TTC29: variants seen among roughly 807,000 people sequenced by gnomAD.
The protein encoded by TTC29 is tetratricopeptide repeat protein 29.
TTC29 carries 49 observed loss-of-function variants against 58.1 expected under a neutral mutation model. The ratio of observed to expected loss-of-function variants is 0.84; its 90% CI spans 0.67 to 1.07. The LOEUF is 1.07. TTC29 is among the 50% of genes least tolerant of loss of function. The pLI is 0.00. For missense variants in TTC29, 582 were observed against 555.6 expected (o/e 1.05, Z -0.48); for synonymous variants, 209 against 196.8 (o/e 1.06, Z -0.52).
At chr4:146,799,979 C>T (rs1264841219) in intron 11 of TTC29, among the ~76,000 whole-genome samples, 2 of 152,166 alleles carry the variant, frequency 1.3e-5, no homozygotes. Context: ...CTGGAGAAAT[C>T]AGCAGAAATT....
intron 11 of TTC29, among the ~76,000 whole-genome samples, chr4:146,728,860 C>CACATATATATGT (rs1561066862): frequency 3.2e-5 from 2 of 62,026 alleles, no homozygotes; most frequent in Admixed American, 2.1e-4. Flanking sequence ...TATATATACA[C>CACATATATATGT]ATATATATGT....
chr4:146,934,084 G>A (rs1380554924), intron 4 of TTC29: 1 of 152,388 alleles, frequency 6.6e-6, no homozygotes. Flanking sequence ...TTCAGGTCAG[G>A]TGAAGAATGG....
chr4:146,899,532 G>C (rs2150263955), intron 6 of TTC29, among the ~76,000 whole-genome samples: 1 of 152,306 alleles, frequency 6.6e-6, no homozygotes, highest in South Asian at 2.1e-4. Flanking sequence ...AAAGATATTT[G>C]ACCTGAAGAA....
At chr4:146,793,059 T>G (rs1749583858) in intron 11 of TTC29, among the ~76,000 whole-genome samples, 1 of 152,148 alleles carries the variant, frequency 6.6e-6, no homozygotes, top group Non-Finnish European at 1.5e-5. Flanking sequence ...GATAAGCAAA[T>G]AAAGTGGTTT....
chr4:146,916,166 T>C (rs182933534), intron 4 of TTC29, among the ~76,000 whole-genome samples: 5 of 151,912 alleles, frequency 3.3e-5, no homozygotes, highest in South Asian at 4.1e-4. Flanking sequence ...TCGGTGTAGA[T>C]AGATATTATG....
intron 4 of TTC29, among the ~76,000 whole-genome samples, chr4:146,923,449 G>A (rs551321153): frequency 2.0e-5 from 3 of 151,600 alleles, no homozygotes; most frequent in African/African-American, 7.2e-5. Flanking sequence ...AATCTAGTAG[G>A]TGCTAGAAAA....
chr4:146,749,447 T>C (rs1387961817), intron 11 of TTC29, among the ~76,000 whole-genome samples: 4 of 152,102 alleles, frequency 2.6e-5, no homozygotes, highest in African/African-American at 4.8e-5. Flanking sequence ...AAGTTGAAGA[T>C]AGGTCTTCTG....
At chr4:146,780,482 G>A (rs982192112) in intron 11 of TTC29, among the ~76,000 whole-genome samples, 1 of 151,938 alleles carries the variant, frequency 6.6e-6, no homozygotes, top group African/African-American at 2.4e-5. Flanking sequence ...CAATTTCCAA[G>A]TCTCTTCCAG....
chr4:146,806,760 GA>G (rs1219045572), intron 10 of TTC29, among the ~76,000 whole-genome samples: 1 of 152,086 alleles, frequency 6.6e-6, no homozygotes, highest in East Asian at 1.9e-4. Context: ...GACCTACAAA[GA>G]GACTTAGACT....
At chr4:146,808,018 T>C (rs1453511594) in intron 10 of TTC29, among the ~76,000 whole-genome samples, 1 of 152,002 alleles carries the variant, frequency 6.6e-6, no homozygotes, top group African/African-American at 2.4e-5. Flanking sequence ...AAATCCAGCA[T>C]CACATTAAAA....
intron 8 of TTC29, among the ~76,000 whole-genome samples, chr4:146,843,991 C>T (rs184485517): frequency 1.3e-5 from 2 of 152,234 alleles, no homozygotes; most frequent in Admixed American, 1.3e-4. Context: ...TATTAAACAG[C>T]AGTTAAATGT....
At chr4:146,764,894 AAG>A (rs34320147) in intron 11 of TTC29, among the ~76,000 whole-genome samples, 10,509 of 152,172 alleles carry the variant, frequency 0.069, 452 homozygotes, top group Admixed American at 0.13. Context: ...AGCAACTGCG[AAG>A]AGAGTTTGTC....
intron 6 of TTC29, among the ~76,000 whole-genome samples, chr4:146,875,764 C>T (rs1195096697): frequency 1.3e-5 from 2 of 152,142 alleles, no homozygotes; most frequent in African/African-American, 4.8e-5. Flanking sequence ...AACTAACTGC[C>T]TTTTTGGATT....
chr4:146,726,558 TTTTC>T (rs1336832514), intron 11 of TTC29, among the ~76,000 whole-genome samples: 1 of 152,208 alleles, frequency 6.6e-6, no homozygotes, highest in Non-Finnish European at 1.5e-5. Flanking sequence ...AAAAGTACTC[TTTTC>T]TTTTTGACAC....
intron 7 of TTC29, among the ~76,000 whole-genome samples, chr4:146,869,880 G>T (rs562130675): frequency 7.2e-5 from 11 of 151,944 alleles, no homozygotes; most frequent in Admixed American, 5.9e-4. Flanking sequence ...GAAAAATGTC[G>T]GTAAGAATAG....
intron 4 of TTC29, among the ~76,000 whole-genome samples, chr4:146,911,223 G>A (rs1385728671): frequency 6.6e-6 from 1 of 152,184 alleles, no homozygotes; most frequent in Non-Finnish European, 1.5e-5. Context: ...TATAGGAGAA[G>A]GGACTTAATA....
intron 3 of TTC29, 120 bp from the exon 4 acceptor site, chr4:146,937,797 G>T (rs41280537): frequency 5.7e-6 from 3 of 530,836 alleles, no homozygotes; most frequent in Non-Finnish European, 6.5e-6. Flanking sequence ...TGTAATAAAC[G>T]CAATAGCTAT....
chr4:146,767,777 C>T (rs2150070391), intron 11 of TTC29, among the ~76,000 whole-genome samples: 1 of 152,168 alleles, frequency 6.6e-6, no homozygotes, highest in Admixed American at 6.6e-5. Flanking sequence ...CAATAAAATG[C>T]TCAGCTCATA....
chr4:146,932,313 A>C (rs1451367610), intron 4 of TTC29, among the ~76,000 whole-genome samples: 1 of 152,208 alleles, frequency 6.6e-6, no homozygotes, highest in East Asian at 1.9e-4. Flanking sequence ...TTAGTCATGT[A>C]AACATTTGCT....
Sources: gnomAD v4.1 joint callset for allele counts (sites outside exome capture counted in the v4.1 genomes callset) on GRCh38, gnomAD v4.1.1 for gene constraint, MANE v1.5 for transcripts, NCBI Gene and HGNC (gene_info 2026-07-23, HGNC 2026-07-21) for gene names.